The following C8orf34 variants were observed in gnomAD, a reference collection of about 807,000 sequenced individuals.
C8orf34 encodes the protein uncharacterized protein C8orf34.
A neutral mutation model predicts 68.3 loss-of-function variants in C8orf34; 65 were observed. The ratio of observed to expected loss-of-function variants is 0.95; its 90% confidence interval spans 0.78 to 1.17. The LOEUF (loss-of-function observed/expected upper bound fraction) is 1.17. Ranked by LOEUF, C8orf34 falls within the 50% of genes most tolerant of loss-of-function variation. C8orf34 has a pLI of 0.00. For missense variants in C8orf34, 664 were observed against 655.4 expected (o/e 1.01, Z -0.14); for synonymous variants, 244 against 241.2 (o/e 1.01, Z -0.11).
At chr8:68,605,781 T>A (rs1817836585) in intron 7 of C8orf34, among the ~76,000 whole-genome samples, 1 of 152,128 alleles carries the variant, frequency 6.6e-6, no homozygotes, top group East Asian at 1.9e-4. Flanking sequence ...TTCTGTTCAA[T>A]ACTGTAATAG....
intron 1 of C8orf34, among the ~76,000 whole-genome samples, chr8:68,334,842 T>A (rs1425784584): frequency 6.6e-6 from 1 of 152,216 alleles, no homozygotes; most frequent in East Asian, 1.9e-4. Context: ...AATGGACTTA[T>A]CAAACTTATG....
chr8:68,512,146 T>TAGTA (rs1481831642), intron 5 of C8orf34, among the ~76,000 whole-genome samples: 2 of 152,242 alleles, frequency 1.3e-5, no homozygotes, highest in African/African-American at 4.8e-5. Flanking sequence ...ATGTCCAGGA[T>TAGTA]AGTTACAGTT....
chr8:68,424,814 G>A (rs1276869884), intron 1 of C8orf34, among the ~76,000 whole-genome samples: 4 of 151,960 alleles, frequency 2.6e-5, no homozygotes, highest in African/African-American at 9.7e-5. Context: ...GCAGTAGAAT[G>A]GTGTGAACCT....
intron 7 of C8orf34, among the ~76,000 whole-genome samples, chr8:68,558,388 A>G (rs11992043): frequency 0.22 from 33,059 of 151,642 alleles, 4,773 homozygotes; most frequent in African/African-American, 0.42. Flanking sequence ...GAAAGTAAAT[A>G]TATGTTGATT....
At chr8:68,720,125 G>T (rs1821628424) in intron 9 of C8orf34, among the ~76,000 whole-genome samples, 1 of 151,892 alleles carries the variant, frequency 6.6e-6, no homozygotes, top group Non-Finnish European at 1.5e-5. Flanking sequence ...TCTATGTTCT[G>T]TCAGGAAAAG....
At chr8:68,768,887 C>T (rs1333202630) in intron 10 of C8orf34, among the ~76,000 whole-genome samples, 5 of 147,424 alleles carry the variant, frequency 3.4e-5, no homozygotes, top group African/African-American at 1.2e-4. Context: ...TGGGTTCACA[C>T]TTTTTTTTTT....
intron 1 of C8orf34, among the ~76,000 whole-genome samples, chr8:68,364,731 G>T (rs1322892893): frequency 7.5e-6 from 1 of 132,996 alleles, no homozygotes. Context: ...GAATCTCTGG[G>T]ATGCATTCAA....
chr8:68,704,814 A>G (rs1027760862), intron 8 of C8orf34, among the ~76,000 whole-genome samples: 5 of 152,204 alleles, frequency 3.3e-5, no homozygotes, highest in Non-Finnish European at 7.4e-5. Flanking sequence ...GAGTATACTT[A>G]TGTCTTAACA....
intron 2 of C8orf34, among the ~76,000 whole-genome samples, chr8:68,441,089 C>T (rs549107295): frequency 1.3e-5 from 2 of 152,066 alleles, no homozygotes; most frequent in Non-Finnish European, 2.9e-5. Flanking sequence ...CAGGCATGAG[C>T]CACCATGCCC....
intron 7 of C8orf34, among the ~76,000 whole-genome samples, chr8:68,620,686 T>C (rs1382375740): frequency 6.6e-6 from 1 of 151,162 alleles, no homozygotes; most frequent in Non-Finnish European, 1.5e-5. Context: ...AGACTAAGTT[T>C]ACTGGGAAAA....
At chr8:68,456,688 A>G (rs150711709) in intron 3 of C8orf34, among the ~76,000 whole-genome samples, 28 of 152,346 alleles carry the variant, frequency 1.8e-4, no homozygotes, top group African/African-American at 6.0e-4. Context: ...GTTATGTGTC[A>G]TAGATAAGAT....
At chr8:68,741,411 C>A (rs1185210384) in intron 10 of C8orf34, among the ~76,000 whole-genome samples, 1 of 151,922 alleles carries the variant, frequency 6.6e-6, no homozygotes, top group Non-Finnish European at 1.5e-5. Flanking sequence ...CATCTTAATA[C>A]CATCAGGGTA....
chr8:68,746,595 A>C (rs1347468225), intron 10 of C8orf34, among the ~76,000 whole-genome samples: 41 of 147,152 alleles, frequency 2.8e-4, no homozygotes, highest in African/African-American at 1.0e-3. Flanking sequence ...ATCAGAGAAT[A>C]CTACAAACAC....
At chr8:68,357,381 C>T (rs761914402) in intron 1 of C8orf34, among the ~76,000 whole-genome samples, 1 of 152,042 alleles carries the variant, frequency 6.6e-6, no homozygotes, top group African/African-American at 2.4e-5. Context: ...TTTCAGCTTT[C>T]GATTTTAATT....
rs560687434 is a variant in C8orf34, at chr8:68,777,731, G to A, written c.1455+1282G>A. 1.2e-4 allele frequency among the ~76,000 whole-genome samples: 19 copies of A among 152,228 alleles called. No homozygotes were observed. The East Asian group carries it at 3.3e-3, about 26-fold the overall frequency. ...AACGTTCTTTCTAGGGAGTAACTGT[G>A]TGCATCATGAAAAATCCCAATTTTG... On this transcript the variant is annotated intron_variant, in intron 11 of 13. Coordinates refer to ENST00000518698, the MANE Select transcript of C8orf34 (RefSeq NM_052958.4).
chr8:68,540,996 TG>T (rs1815680564), intron 7 of C8orf34, among the ~76,000 whole-genome samples: 2 of 152,170 alleles, frequency 1.3e-5, no homozygotes, highest in Admixed American at 1.3e-4. Flanking sequence ...AGATAGCCCT[TG>T]TTTGAAGCTT....
At chr8:68,331,386 G>A (rs907728969) in intron 1 of C8orf34, 47 bp downstream of exon 1, 1 of 1,513,796 alleles carries the variant, frequency 6.6e-7, no homozygotes, top group African/African-American at 1.4e-5. Flanking sequence ...TAGGGGAAGG[G>A]GTGCAGTAAT....
At chr8:68,656,302 T>A (rs918012412) in intron 8 of C8orf34, among the ~76,000 whole-genome samples, 3 of 152,188 alleles carry the variant, frequency 2.0e-5, no homozygotes, top group African/African-American at 7.2e-5. Flanking sequence ...AAAAATATAA[T>A]GTTTTATTTA....
rs1320656443 is a variant in C8orf34 at position 68,331,439 on chromosome 8, G to A, written c.327+100G>A. ...AATCCCACCCCTCCCAGGGAAGGAG[G>A]GCTAGAGAACCAACGCGCGGGAGAG... On this transcript the variant is annotated intron_variant, in intron 1 of 13. Transcript: ENST00000518698. 7 of 1,336,130 alleles carry A rather than the reference G, an allele frequency of 5.2e-6. No individual in the cohort carries two copies. The East Asian group carries it at 1.8e-4, about 34-fold the overall frequency. The allele number at this position is 1,336,130 out of a possible 1,614,324, so 82.8% of individuals were successfully genotyped here.
Sources: allele counts gnomAD v4.1 joint callset (sites outside exome capture counted in the v4.1 genomes callset), GRCh38; gene constraint gnomAD v4.1.1; transcripts MANE v1.5; gene names NCBI Gene and HGNC (gene_info 2026-07-23, HGNC 2026-07-21).